The following COG5 variants were observed in gnomAD, a reference collection of about 807,000 sequenced individuals.
The protein encoded by COG5 is conserved oligomeric Golgi complex subunit 5.
COG5 carries 86 observed loss-of-function variants against 110.4 expected under a neutral mutation model. The ratio of observed to expected loss-of-function variants is 0.78; its 90% CI spans 0.65 to 0.93. The LOEUF is 0.93. Among genes scored for constraint, COG5 ranks in the 40% least tolerant of loss-of-function variants. The probability of loss-of-function intolerance (pLI) is 0.00; values close to 1 mark genes in which losing one functional copy is unlikely to be tolerated. For missense variants in COG5, 1,077 were observed against 987.0 expected, an observed-to-expected ratio of 1.09 and a Z score of -1.22; for synonymous variants, 360 against 334.6, an observed-to-expected ratio of 1.08 and a Z score of -0.83.
chr7:107,289,789 C>T lies in COG5; in HGVS notation c.1314-6057G>A, dbSNP rs117386523. On this transcript the variant is annotated intron_variant, in intron 12 of 21. Coordinates refer to ENST00000297135, the MANE Select transcript of COG5 (RefSeq NM_006348.5). ...ATTACATCTGTTAATGTTAATAAACCCAACAATGAATTGTTATAATTACTA... is the reference window on the plus strand; with the variant it reads ...ATTACATCTGTTAATGTTAATAAACTCAACAATGAATTGTTATAATTACTA... Among the ~76,000 whole-genome samples, 4,500 of 152,024 alleles carry T rather than the reference C, an allele frequency of 0.03. 82 individuals are homozygous for T. The highest frequency in any genetic ancestry group is 0.048 in the Middle Eastern group (14 of 294).
chr7:107,229,988 C>T (rs1800664983), intron 19 of COG5, among the ~76,000 whole-genome samples: 1 of 151,514 alleles, frequency 6.6e-6, no homozygotes, highest in African/African-American at 2.4e-5. Flanking sequence ...GTAGCTGGAA[C>T]TACAGGTGTG....
intron 10 of COG5, among the ~76,000 whole-genome samples, chr7:107,354,608 G>A (rs999742954): frequency 9.9e-5 from 15 of 152,100 alleles, no homozygotes; most frequent in Admixed American, 2.6e-4. Flanking sequence ...CCTAGGAGGC[G>A]GAGGTTGCAG....
rs1010936552 is a variant in COG5 at position 107,203,289 on chromosome 7, C to T, written c.*227G>A. The T allele has an allele frequency of 1.8e-6, 1 of 556,550 alleles. No individual in the cohort carries two copies. The highest frequency in any genetic ancestry group is 3.2e-6 in the Non-Finnish European group (1 of 311,816). 34.5% of individuals were successfully genotyped at this position (556,550 alleles called of 1,614,324 possible). A position where few individuals can be genotyped will look rare whatever the true frequency, so the allele number is the denominator to read the frequency against. On this transcript the variant is annotated 3_prime_UTR_variant, in exon 22 of 22. Transcript: ENST00000297135. ...TGTACAAAAATCTGAAAGAGGAAAA[C>T]ATCTTTCTGGAAAAATCAGGTCCAT... is the stretch of plus-strand genomic sequence containing the variant.
chr7:107,522,767 T>C (rs1195997455), intron 6 of COG5, among the ~76,000 whole-genome samples: 1 of 152,218 alleles, frequency 6.6e-6, no homozygotes, highest in Non-Finnish European at 1.5e-5. Context: ...CTGTTTTGCA[T>C]ATTGAGATCC....
intron 7 of COG5, among the ~76,000 whole-genome samples, chr7:107,392,950 T>C (rs755886669): frequency 6.6e-6 from 1 of 152,158 alleles, no homozygotes. Context: ...AAACTGTCCA[T>C]GGAAAAAATT....
chr7:107,210,210 G>A (rs1485845130), intron 21 of COG5: 13 of 1,193,242 alleles, frequency 1.1e-5, no homozygotes, highest in African/African-American at 4.6e-5. Flanking sequence ...TAAAAGATGC[G>A]GAGCTAGGGC....
intron 7 of COG5, among the ~76,000 whole-genome samples, chr7:107,386,774 G>A (rs1219305120): frequency 1.3e-5 from 2 of 152,156 alleles, no homozygotes; most frequent in Non-Finnish European, 2.9e-5. Context: ...CAAGTAGGGA[G>A]AAATCTGAAA....
chr7:107,260,540 C>T (rs186218030), intron 14 of COG5, among the ~76,000 whole-genome samples: 108 of 152,032 alleles, frequency 7.1e-4, no homozygotes, highest in Admixed American at 1.7e-3. Flanking sequence ...GTGAGTTATA[C>T]GACATGTGAA....
intron 5 of COG5, among the ~76,000 whole-genome samples, chr7:107,533,103 A>G (rs574863091): frequency 6.6e-6 from 1 of 151,780 alleles, no homozygotes; most frequent in East Asian, 1.9e-4. Context: ...TAGAAGAAAA[A>G]CTAATAAACT....
intron 6 of COG5, among the ~76,000 whole-genome samples, chr7:107,492,347 C>T (rs1798025438): frequency 1.3e-5 from 2 of 152,082 alleles, no homozygotes; most frequent in South Asian, 2.1e-4. Context: ...TTATTGCTAC[C>T]GTAACAAATT....
chr7:107,338,803 T>A (rs1810927778), intron 10 of COG5, among the ~76,000 whole-genome samples: 1 of 152,006 alleles, frequency 6.6e-6, no homozygotes, highest in Admixed American at 6.6e-5. Context: ...TTTAATAGAT[T>A]TTTCTCCAAA....
intron 6 of COG5, among the ~76,000 whole-genome samples, chr7:107,525,609 G>C (rs1330311122): frequency 2.6e-5 from 4 of 151,518 alleles, no homozygotes; most frequent in Non-Finnish European, 5.9e-5. Context: ...GTGGAGAACA[G>C]TGGTGCAATA....
intron 11 of COG5, among the ~76,000 whole-genome samples, chr7:107,307,724 A>G (rs141436349): frequency 6.6e-6 from 1 of 152,180 alleles, no homozygotes; most frequent in African/African-American, 2.4e-5. Flanking sequence ...ATGCAAAGAC[A>G]TAAGAATGAT....
chr7:107,261,577 G>C (rs533982072), intron 14 of COG5, among the ~76,000 whole-genome samples: 2 of 152,236 alleles, frequency 1.3e-5, no homozygotes, highest in East Asian at 3.9e-4. Context: ...TGGGCACTAG[G>C]TTTGCTCATT....
intron 7 of COG5, among the ~76,000 whole-genome samples, chr7:107,388,219 G>C (rs553804749): frequency 1.3e-5 from 2 of 152,296 alleles, no homozygotes; most frequent in African/African-American, 4.8e-5. Context: ...ATCAGTTATG[G>C]CAAACAGACG....
chr7:107,274,262 C>T (rs1436940462), intron 14 of COG5, among the ~76,000 whole-genome samples: 3 of 152,110 alleles, frequency 2.0e-5, no homozygotes, highest in East Asian at 1.9e-4. Context: ...CCTGTGAATA[C>T]GCCCTGCATA....
intron 7 of COG5, among the ~76,000 whole-genome samples, chr7:107,386,465 G>A (rs1790206832): frequency 1.3e-5 from 2 of 152,140 alleles, no homozygotes; most frequent in South Asian, 4.1e-4. Context: ...ACGCTGCGGA[G>A]GAAGCACGAC....
intron 11 of COG5, among the ~76,000 whole-genome samples, chr7:107,316,499 T>C (rs2117024341): frequency 6.6e-6 from 1 of 151,958 alleles, no homozygotes. Flanking sequence ...TGGAGAATAC[T>C]GAAGGTTTGT....
chr7:107,552,708 T>C (rs941354223), intron 3 of COG5, among the ~76,000 whole-genome samples: 12 of 152,200 alleles, frequency 7.9e-5, no homozygotes, highest in African/African-American at 2.9e-4. Context: ...GAAAGCAGTT[T>C]GGCGATTTCT....
Sources: allele counts gnomAD v4.1 joint callset (sites outside exome capture counted in the v4.1 genomes callset), GRCh38; gene constraint gnomAD v4.1.1; transcripts MANE v1.5; gene names NCBI Gene and HGNC (gene_info 2026-07-23, HGNC 2026-07-21).